Variants in CFHR5 observed in about 807,000 individuals in gnomAD.
CFHR5 encodes complement factor H related 5, also known as complement factor H-related protein 5.
Under a neutral mutation model 62.9 loss-of-function variants are expected in CFHR5, and 73 were observed. That is an observed-to-expected ratio of 1.16 (90% CI 0.96 to 1.41). CFHR5 has a LOEUF of 1.41. Ranked by LOEUF, CFHR5 falls within the 40% of genes most tolerant of loss-of-function variation. CFHR5 has a pLI of 0.00. For synonymous variants in CFHR5, 249 were observed against 227.2 expected, an observed-to-expected ratio of 1.10 and a Z score of -0.86; for missense variants, 779 against 679.9, an observed-to-expected ratio of 1.15 and a Z score of -1.62.
rs145121198 is a variant in CFHR5 at position 196,998,659 on chromosome 1, G to T, written c.1147+355G>T. Among the ~76,000 whole-genome samples the T allele has an allele frequency of 9.9e-5, 15 of 152,142 alleles. No homozygotes were observed. The East Asian group carries it at 2.7e-3, about 27-fold the overall frequency. ...CTGTGAAACAAAACTAACAGATATT[G>T]CCAATTCTGGACCAGACAGTAGGCT... is the stretch of plus-strand genomic sequence containing the variant. On this transcript the variant is annotated intron_variant, in intron 7 of 9. Transcript: ENST00000256785.
Position 196,984,156 on chromosome 1 carries a change from T to C in CFHR5, c.430+19T>C, listed in dbSNP as rs1347135539. The stretch of plus-strand genomic sequence containing the variant: ...TTCACTAGTAAGCAAAATACCACTC[T>C]CTCAGTTTTGCTAATTATTTAAAGA... On this transcript the variant is annotated intron_variant, in intron 3 of 9. Transcript: ENST00000256785. 9 of 1,602,754 alleles carry C rather than the reference T, an allele frequency of 5.6e-6. No homozygotes were observed. Among genetic ancestry groups the C allele is most frequent in the Non-Finnish European group, 6.8e-6 (8 of 1,170,166 alleles).
intron 2 of CFHR5, among the ~76,000 whole-genome samples, 155 bp downstream of exon 2, chr1:196,983,234 T>C (rs963866399): frequency 7.2e-5 from 11 of 152,194 alleles, no homozygotes; most frequent in African/African-American, 2.7e-4. Flanking sequence ...ACCCCTCCTA[T>C]GAGAATCAAT....
Position 197,001,886 on chromosome 1 carries a change from C to T in CFHR5, c.1148-596C>T, listed in dbSNP as rs139698075. Among the ~76,000 whole-genome samples, 547 of 152,114 alleles carry T rather than the reference C, an allele frequency of 3.6e-3. 2 individuals carry two copies. The highest frequency in any genetic ancestry group is 0.013 in the African/African-American group (525 of 41,484). On this transcript the variant is annotated intron_variant, in intron 7 of 9. Transcript: ENST00000256785. The stretch of plus-strand genomic sequence containing the variant: ...AGCCCAGGTCAGGAGGTTTAGAAAA[C>T]GCTTTGGCATCCAAGTTGACCATTT...
chr1:196,977,137 T>C (rs1300954486), upstream of CFHR5, among the ~76,000 whole-genome samples: 3 of 152,080 alleles, frequency 2.0e-5, no homozygotes, highest in Admixed American at 1.3e-4. Context: ...AGACCTTTTA[T>C]AGTTTATGAA....
intron 3 of CFHR5, among the ~76,000 whole-genome samples, chr1:196,989,932 C>A (rs768826818): frequency 5.3e-5 from 8 of 151,956 alleles, no homozygotes; most frequent in Non-Finnish European, 1.0e-4. Flanking sequence ...CCTTGTTAAC[C>A]TTTTGTCTCA....
chr1:196,978,106 G>T (rs1317100122), intron 1 of CFHR5, among the ~76,000 whole-genome samples: 43 of 152,004 alleles, frequency 2.8e-4, no homozygotes, highest in Admixed American at 2.2e-3. Context: ...TATGTTTTGA[G>T]AATTTTATTT....
At position 197,006,419 on chromosome 1, in the gene CFHR5, A is replaced by C. The variant is rs148725177; in HGVS notation, c.1513+1576A>C. Among the ~76,000 whole-genome samples the C allele has an allele frequency of 1.8e-4, 28 of 152,200 alleles. 1 individual carries two copies. In the East Asian group the frequency reaches 4.8e-3, roughly 26 times the overall value. On this transcript the variant is annotated intron_variant, in intron 9 of 9. Coordinates refer to ENST00000256785, the MANE Select transcript of CFHR5 (RefSeq NM_030787.4). ...TAAGATTAGACAGCTCTGAAGAAAT[A>C]ATTTTTTCCAGCCAGGCATGGTGGC...
chr1:196,998,289 G>A lies in CFHR5; in HGVS notation c.1132G>A (p.Glu378Lys), dbSNP rs755579894. The A allele has an allele frequency of 6.8e-6, 11 of 1,610,920 alleles. No individual in the cohort carries two copies. Among genetic ancestry groups the A allele is most frequent in the Non-Finnish European group, 9.3e-6 (11 of 1,178,162 alleles). The change falls in exon 7 of 10, where the codon GAA becomes AAA. Residue 378 changes from glutamate (E) to lysine (K), a missense_variant. Glu to Lys is a moderately conservative substitution (Grantham distance 56). Transcript: ENST00000256785. ...CTGTATAAACGGGAAATGGAATCCTGAAGTAGACTGCACAGGTAAGATTTG... is the reference window on the plus strand; with the variant it reads ...CTGTATAAACGGGAAATGGAATCCTAAAGTAGACTGCACAGGTAAGATTTG... ...SVCINGKWNP[E>K]VDCTEKREQF...
chr1:196,994,284 A>G, intron 4 of CFHR5, 28 bp downstream of exon 4: 2 of 1,566,572 alleles, frequency 1.3e-6, no homozygotes, highest in Non-Finnish European at 8.8e-7. Flanking sequence ...AAGTGATGAA[A>G]CAAGAATTTG....
intron 1 of CFHR5, among the ~76,000 whole-genome samples, chr1:196,977,967 A>C (rs774583220): frequency 6.6e-6 from 1 of 152,150 alleles, no homozygotes; most frequent in Non-Finnish European, 1.5e-5. Context: ...AGATAATGTA[A>C]AGAGAAATCA....
In CFHR5 at chr1:196,998,249, A is replaced by G; in HGVS notation, c.1092A>G (p.Arg364=). ...GTTACAGATGTTCAGACATCTTCAG[A>G]TACAGGCACTCAGTCTGTATAAACG... is the stretch of plus-strand genomic sequence containing the variant. ...RIRYRCSDIF[R]YRHSVCINGK... is the part of the protein sequence containing the mutation. The change falls in exon 7 of 10, where the codon AGA becomes AGG. Residue 364 remains arginine (R), a synonymous_variant. Coordinates refer to ENST00000256785, the MANE Select transcript of CFHR5 (RefSeq NM_030787.4). The G allele has an allele frequency of 6.2e-7, 1 of 1,611,304 alleles. No homozygotes were observed. The highest frequency in any genetic ancestry group is 8.5e-7 in the Non-Finnish European group (1 of 1,178,368).
chr1:196,980,583 T>C (rs1371547756), intron 1 of CFHR5, among the ~76,000 whole-genome samples: 1 of 133,566 alleles, frequency 7.5e-6, no homozygotes, highest in African/African-American at 3.0e-5. Flanking sequence ...TGTATGTCTG[T>C]ATATATACGT....
At chr1:196,976,998 C>T (rs934054728), upstream of CFHR5, among the ~76,000 whole-genome samples, 1 of 151,270 alleles carries the variant, frequency 6.6e-6, no homozygotes, top group Non-Finnish European at 1.5e-5. Context: ...TCAGTAGAGA[C>T]GGGTTTCACC....
At chr1:197,006,914 G>A (rs900744881) in intron 9 of CFHR5, among the ~76,000 whole-genome samples, 1 of 149,674 alleles carries the variant, frequency 6.7e-6, no homozygotes, top group African/African-American at 2.5e-5. Flanking sequence ...TCGGCTCATT[G>A]CAACCTCCGC....
chr1:196,994,851 G>A (rs111822146), intron 4 of CFHR5, among the ~76,000 whole-genome samples: 30,521 of 152,022 alleles, frequency 0.2, 3,262 homozygotes, highest in Middle Eastern at 0.34. Context: ...GGCACATCTC[G>A]AATGATGGCA....
rs1654016135 is a variant in CFHR5, at chr1:196,997,236, C to T, written c.971-892C>T. 2.0e-5 allele frequency among the ~76,000 whole-genome samples: 3 copies of T among 152,088 alleles called. No homozygotes were observed. The South Asian group carries it at 6.2e-4, about 31-fold the overall frequency. The stretch of plus-strand genomic sequence containing the variant: ...AGCAAATACCTGGTCAGTGGCCATC[C>T]GTGATGACCTATTGTGAGGGAATGT... On this transcript the variant is annotated intron_variant, in intron 6 of 9. Coordinates refer to ENST00000256785, the MANE Select transcript of CFHR5 (RefSeq NM_030787.4).
chr1:196,991,081 CT>C (rs1653835875), intron 3 of CFHR5, among the ~76,000 whole-genome samples: 2 of 152,002 alleles, frequency 1.3e-5, no homozygotes, highest in African/African-American at 2.4e-5. Flanking sequence ...TCTTTTTTCT[CT>C]AAACTTTCTT....
chr1:196,980,630 A>G (rs1653517071), intron 1 of CFHR5, among the ~76,000 whole-genome samples: 1 of 143,316 alleles, frequency 7.0e-6, no homozygotes, highest in African/African-American at 2.6e-5. Context: ...GTGTGTGTGT[A>G]TCCCAGAAGA....
chr1:196,979,256 C>CTGTGTGTG (rs57862148), intron 1 of CFHR5, among the ~76,000 whole-genome samples: 14,388 of 148,470 alleles, frequency 0.097, 770 homozygotes, highest in African/African-American at 0.15. Context: ...AGGTAATTGT[C>CTGTGTGTG]TGTGTGTGTG....
Sources: allele counts gnomAD v4.1 joint callset (sites outside exome capture counted in the v4.1 genomes callset), GRCh38; gene constraint gnomAD v4.1.1; transcripts MANE v1.5; gene names NCBI Gene and HGNC (gene_info 2026-07-23, HGNC 2026-07-21).